STK39: variants seen among roughly 807,000 people sequenced by gnomAD.
STK39 encodes STE20/SPS1-related proline-alanine-rich protein kinase.
A neutral mutation model predicts 77.8 loss-of-function variants in STK39; 20 were observed. The observed-to-expected ratio is 0.26, with a 90% CI of 0.18 to 0.37. The LOEUF (loss-of-function observed/expected upper bound fraction) is 0.37. Ranked by LOEUF, STK39 falls within the 10% of genes least tolerant of loss-of-function variation. STK39 has a pLI of 1.00. For synonymous variants in STK39, 246 were observed against 234.1 expected, an observed-to-expected ratio of 1.05 and a Z score of -0.47; for missense variants, 479 against 656.5, an observed-to-expected ratio of 0.73 and a Z score of 2.95.
At chr2:168,100,660 C>T (rs1435187107) in intron 10 of STK39, among the ~76,000 whole-genome samples, 4 of 152,104 alleles carry the variant, frequency 2.6e-5, no homozygotes, top group Non-Finnish European at 5.9e-5. Flanking sequence ...AAAATTTTTG[C>T]AATCTATCCA....
intron 14 of STK39, among the ~76,000 whole-genome samples, chr2:168,028,195 T>C (rs544337506): frequency 2.6e-4 from 39 of 152,288 alleles, no homozygotes; most frequent in Non-Finnish European, 4.4e-4. Context: ...CATTTCAACA[T>C]ACAGGAATGT....
At chr2:168,115,741 T>C (rs1251803618) in intron 10 of STK39, among the ~76,000 whole-genome samples, 2 of 152,114 alleles carry the variant, frequency 1.3e-5, no homozygotes, top group African/African-American at 4.8e-5. Flanking sequence ...TCTGGAGAAA[T>C]GACTCTTTGA....
intron 1 of STK39, among the ~76,000 whole-genome samples, chr2:168,199,913 C>A (rs1689571855): frequency 6.6e-6 from 1 of 152,168 alleles, no homozygotes; most frequent in Admixed American, 6.5e-5. Flanking sequence ...GACAACAGGT[C>A]TTCAGCCATA....
At chr2:168,236,049 G>C (rs1690597343) in intron 1 of STK39, among the ~76,000 whole-genome samples, 1 of 151,822 alleles carries the variant, frequency 6.6e-6, no homozygotes, top group Non-Finnish European at 1.5e-5. Flanking sequence ...CACAATGGTT[G>C]AACTAGTTTA....
intron 10 of STK39, among the ~76,000 whole-genome samples, chr2:168,113,836 A>C (rs1687185162): frequency 6.6e-6 from 1 of 152,206 alleles, no homozygotes; most frequent in South Asian, 2.1e-4. Context: ...CTGTCAGGAA[A>C]AGGGGGACAG....
chr2:167,963,884 G>T lies in STK39; in HGVS notation c.1563+778C>A, dbSNP rs182182567. Among the ~76,000 whole-genome samples the T allele has an allele frequency of 3.3e-5, 5 of 152,298 alleles. No individual in the cohort carries two copies. The East Asian group carries it at 9.6e-4, about 29-fold the overall frequency. ...TGCACAGCAAAGTGTTGGTCATCTA[G>T]ATCTAAAATTGCTTCTGGGATTCTG... On this transcript the variant is annotated intron_variant, in intron 17 of 17. Coordinates refer to ENST00000355999, the MANE Select transcript of STK39 (RefSeq NM_013233.3).
intron 5 of STK39, among the ~76,000 whole-genome samples, chr2:168,155,856 T>G (rs868463172): frequency 6.6e-6 from 1 of 152,258 alleles, no homozygotes; most frequent in Non-Finnish European, 1.5e-5. Flanking sequence ...CTTACATCTG[T>G]TCTCTTTGCC....
chr2:168,012,540 G>A (rs1034264187), intron 16 of STK39, 94 bp downstream of exon 16: 9 of 907,024 alleles, frequency 9.9e-6, no homozygotes, highest in African/African-American at 1.7e-5. Flanking sequence ...CAAATATTCA[G>A]AGTGAATTAT....
intron 16 of STK39, among the ~76,000 whole-genome samples, chr2:168,008,779 G>A (rs1487071948): frequency 3.3e-5 from 5 of 152,120 alleles, no homozygotes; most frequent in Non-Finnish European, 7.4e-5. Flanking sequence ...AGTAAGATGG[G>A]AGAACTAGGA....
intron 14 of STK39, among the ~76,000 whole-genome samples, chr2:168,049,485 G>A (rs1407650283): frequency 6.6e-6 from 1 of 152,166 alleles, no homozygotes; most frequent in African/African-American, 2.4e-5. Flanking sequence ...TCATTTAAAT[G>A]AGGACCTACC....
chr2:168,215,777 G>T (rs946650277), intron 1 of STK39, among the ~76,000 whole-genome samples: 5 of 152,132 alleles, frequency 3.3e-5, no homozygotes, highest in African/African-American at 7.2e-5. Flanking sequence ...TTCCTTTCTG[G>T]GCTAGGTGAG....
chr2:168,065,323 G>C lies in STK39; in HGVS notation c.1301C>G (p.Ser434Cys), dbSNP rs953426929. 3 of 1,614,042 alleles carry C rather than the reference G, an allele frequency of 1.9e-6. No individual in the cohort carries two copies. Among genetic ancestry groups the C allele is most frequent in the Admixed American group, 1.7e-5 (1 of 60,022 alleles). The change falls in exon 13 of 18, where the codon TCT (serine) becomes TGT (cysteine). Residue 434 changes from serine (S) to cysteine (C), a missense_variant. Physicochemically the swap from Ser to Cys is moderately radical, Grantham distance 112 (BLOSUM62 -1). Around this residue, in one of 3 missense-constraint regions of STK39, gnomAD observed 244 missense variants for 296.8 expected, o/e 0.82. Transcript: ENST00000355999. ...ATGACTGGCAGAGAAACATACCTGA[G>C]AGTCGTGCACAGAGAGGGACTGTAT... Reference protein sequence around the residue: ...EQIQSLSVHDSQGPPNANEDY... With the variant: ...EQIQSLSVHDCQGPPNANEDY...
intron 1 of STK39, among the ~76,000 whole-genome samples, chr2:168,221,353 C>T (rs1039010121): frequency 6.6e-6 from 1 of 152,090 alleles, no homozygotes; most frequent in East Asian, 1.9e-4. Flanking sequence ...TGTCAAAAAA[C>T]AAATACACAC....
At chr2:168,005,766 G>A (rs573951427) in intron 16 of STK39, among the ~76,000 whole-genome samples, 27 of 152,304 alleles carry the variant, frequency 1.8e-4, no homozygotes, top group African/African-American at 6.3e-4. Flanking sequence ...TCCAAACTGT[G>A]CAAGGAGTGG....
At chr2:168,216,868 A>T (rs185196828) in intron 1 of STK39, among the ~76,000 whole-genome samples, 181 of 152,200 alleles carry the variant, frequency 1.2e-3, no homozygotes, top group Middle Eastern at 6.8e-3. Flanking sequence ...CTACCTGCAT[A>T]CCTGCCCCTT....
At chr2:168,231,267 A>G (rs1690447826) in intron 1 of STK39, among the ~76,000 whole-genome samples, 1 of 152,186 alleles carries the variant, frequency 6.6e-6, no homozygotes, top group South Asian at 2.1e-4. Context: ...GTCACTTTAG[A>G]AAATTAGTCT....
intron 14 of STK39, among the ~76,000 whole-genome samples, chr2:168,044,573 C>T (rs1160910061): frequency 6.6e-6 from 1 of 152,032 alleles, no homozygotes; most frequent in Non-Finnish European, 1.5e-5. Context: ...ATCTAAGAAA[C>T]AGGAAGGAAA....
chr2:168,006,886 G>T (rs971811079), intron 16 of STK39, among the ~76,000 whole-genome samples: 1 of 152,110 alleles, frequency 6.6e-6, no homozygotes, highest in Admixed American at 6.6e-5. Flanking sequence ...CACTATACTG[G>T]CCCTTCTTCA....
intron 5 of STK39, among the ~76,000 whole-genome samples, chr2:168,148,958 T>C (rs1398917687): frequency 6.6e-6 from 1 of 152,176 alleles, no homozygotes; most frequent in Admixed American, 6.5e-5. Flanking sequence ...GTCCTCAAGC[T>C]TTACCATGAG....
Sources: gnomAD v4.1 joint callset for allele counts (sites outside exome capture counted in the v4.1 genomes callset) on GRCh38, gnomAD v4.1.1 for gene constraint, gnomAD v4.1.1 regional missense constraint, MANE v1.5 for transcripts, NCBI Gene and HGNC (gene_info 2026-07-23, HGNC 2026-07-21) for gene names.